Variants in PTPRM observed in about 807,000 individuals in gnomAD.
The protein encoded by PTPRM is receptor-type tyrosine-protein phosphatase mu.
In PTPRM, 47 loss-of-function variants were observed where a neutral mutation model predicts 186.7. The observed-to-expected ratio is 0.25, with a 90% CI of 0.20 to 0.32. The LOEUF (loss-of-function observed/expected upper bound fraction) is 0.32, where lower values mean the gene tolerates loss of function less well. Among genes scored for constraint, PTPRM ranks in the 10% least tolerant of loss-of-function variants. PTPRM has a pLI of 1.00. For synonymous variants in PTPRM, 668 were observed against 674.9 expected (o/e 0.99, Z 0.16); for missense variants, 1,494 against 1,865.0 (o/e 0.80, Z 3.66).
chr18:8,079,940 A>C (rs1290015526), intron 9 of PTPRM, among the ~76,000 whole-genome samples: 1 of 152,200 alleles, frequency 6.6e-6, no homozygotes, highest in Non-Finnish European at 1.5e-5. Context: ...TAAGAAAAAA[A>C]CAAAACACTC....
chr18:7,624,466 C>T (rs1598557912), intron 1 of PTPRM, among the ~76,000 whole-genome samples: 1 of 151,962 alleles, frequency 6.6e-6, no homozygotes, highest in Non-Finnish European at 1.5e-5. Flanking sequence ...GGGCAAGTTT[C>T]TTAACCTCTT....
At chr18:7,652,047 A>G (rs1359373144) in intron 1 of PTPRM, among the ~76,000 whole-genome samples, 1 of 152,224 alleles carries the variant, frequency 6.6e-6, no homozygotes, top group Non-Finnish European at 1.5e-5. Flanking sequence ...AACTCAAACA[A>G]ATTTACAAGG....
chr18:7,700,975 C>CAAA (rs1262649146), intron 1 of PTPRM, among the ~76,000 whole-genome samples: 15 of 60,950 alleles, frequency 2.5e-4, no homozygotes, highest in East Asian at 9.0e-4. Context: ...GAGCCTATCT[C>CAAA]AAAAAAAAAA....
At chr18:7,625,947 G>A (rs1239980292) in intron 1 of PTPRM, among the ~76,000 whole-genome samples, 7 of 152,160 alleles carry the variant, frequency 4.6e-5, no homozygotes, top group Non-Finnish European at 1.0e-4. Flanking sequence ...CATGAGCCTG[G>A]GTTTGAAACC....
chr18:8,193,092 G>A (rs1420432212), intron 14 of PTPRM, among the ~76,000 whole-genome samples: 1 of 152,142 alleles, frequency 6.6e-6, no homozygotes, highest in Non-Finnish European at 1.5e-5. Context: ...TGGTTATATA[G>A]GAGATCCATG....
intron 11 of PTPRM, among the ~76,000 whole-genome samples, chr18:8,100,221 C>T (rs1268682317): frequency 6.6e-6 from 1 of 152,084 alleles, no homozygotes; most frequent in East Asian, 1.9e-4. Flanking sequence ...TCACTGCAAC[C>T]TCTGCCTCCC....
intron 1 of PTPRM, among the ~76,000 whole-genome samples, chr18:7,727,142 TA>T (rs1015300329): frequency 2.0e-5 from 3 of 152,102 alleles, no homozygotes; most frequent in African/African-American, 7.2e-5. Context: ...TCACCAACAT[TA>T]TTTAAGTAGA....
intron 1 of PTPRM, among the ~76,000 whole-genome samples, chr18:7,650,809 A>C (rs2038683198): frequency 6.6e-6 from 1 of 151,502 alleles, no homozygotes; most frequent in South Asian, 2.1e-4. Context: ...CAACATCTAC[A>C]TGAAAAAAAA....
chr18:8,083,880 A>G (rs486607), intron 9 of PTPRM, among the ~76,000 whole-genome samples: 95,164 of 151,972 alleles, frequency 0.63, 29,968 homozygotes, highest in African/African-American at 0.67. Flanking sequence ...CAGAACAGAA[A>G]GGAATATAAT....
chr18:8,382,717 G>C (rs986224292), intron 29 of PTPRM, among the ~76,000 whole-genome samples: 2 of 152,208 alleles, frequency 1.3e-5, no homozygotes, highest in Non-Finnish European at 2.9e-5. Flanking sequence ...GATGGAGAGA[G>C]AGATACTGCT....
At chr18:7,837,812 C>T (rs2046127416) in intron 2 of PTPRM, among the ~76,000 whole-genome samples, 1 of 152,076 alleles carries the variant, frequency 6.6e-6, no homozygotes, top group African/African-American at 2.4e-5. Context: ...TTATTTAGTT[C>T]ATTTGGTGAG....
chr18:8,156,501 A>G (rs994358258), intron 14 of PTPRM, among the ~76,000 whole-genome samples: 7 of 152,198 alleles, frequency 4.6e-5, no homozygotes, highest in Admixed American at 1.3e-4. Flanking sequence ...TAAAAATTAG[A>G]TGGTATATGT....
intron 2 of PTPRM, among the ~76,000 whole-genome samples, chr18:7,799,278 C>T (rs1165425170): frequency 3.9e-5 from 6 of 152,142 alleles, no homozygotes; most frequent in Non-Finnish European, 7.4e-5. Flanking sequence ...TTTATAAGGA[C>T]ATGAATCCTC....
intron 1 of PTPRM, among the ~76,000 whole-genome samples, chr18:7,600,530 G>A (rs1309907703): frequency 6.6e-6 from 1 of 152,172 alleles, no homozygotes; most frequent in Non-Finnish European, 1.5e-5. Context: ...TCATCAGTCT[G>A]TGGCTATCAA....
At position 8,247,877 on chromosome 18, in the gene PTPRM, A is replaced by G. The variant is rs1270623996; in HGVS notation, c.2485A>G (p.Thr829Ala). The G allele has an allele frequency of 1.2e-6, 2 of 1,607,290 alleles. No homozygotes were observed. The highest frequency in any genetic ancestry group is 1.7e-6 in the Non-Finnish European group (2 of 1,173,806). Residue 829 changes from threonine (T) to alanine (A), a missense_variant, in exon 16 of 33, where the codon ACA becomes GCA. Coordinates refer to ENST00000580170, the MANE Select transcript of PTPRM (RefSeq NM_001105244.2). ...TTCACCATCGTCCTTCACAATGAAA[A>G]CAAATACACTGAGCACATCGGTGCC... ...VSSPSSFTMK[T>A]NTLSTSVPNS... is the part of the protein sequence containing the mutation.
chr18:8,099,139 T>TTCTC (rs138039597), intron 11 of PTPRM, among the ~76,000 whole-genome samples: 20 of 149,510 alleles, frequency 1.3e-4, no homozygotes, highest in Non-Finnish European at 2.1e-4. Flanking sequence ...CACAGTCTCT[T>TTCTC]TCTCTCTCTC....
intron 2 of PTPRM, among the ~76,000 whole-genome samples, chr18:7,797,459 T>C (rs191461237): frequency 1.2e-3 from 184 of 152,338 alleles, no homozygotes; most frequent in African/African-American, 4.3e-3. Flanking sequence ...CAGAGTAGCC[T>C]CATCTCTGAC....
intron 1 of PTPRM, among the ~76,000 whole-genome samples, chr18:7,596,976 C>T (rs1318053892): frequency 6.6e-6 from 1 of 152,092 alleles, no homozygotes; most frequent in Non-Finnish European, 1.5e-5. Flanking sequence ...GCTTCAGCCT[C>T]CCCGGTAGCT....
At chr18:7,888,501 G>A (rs1599303299) in intron 3 of PTPRM, 124 bp downstream of exon 3, 2 of 1,129,886 alleles carry the variant, frequency 1.8e-6, no homozygotes, top group East Asian at 5.2e-5. Flanking sequence ...TGTGGAGAAA[G>A]GGGAACTCTC....
Sources: allele counts gnomAD v4.1 joint callset (sites outside exome capture counted in the v4.1 genomes callset), GRCh38; gene constraint gnomAD v4.1.1; transcripts MANE v1.5; gene names NCBI Gene and HGNC (gene_info 2026-07-23, HGNC 2026-07-21).